The following RANBP2 variants were observed in gnomAD, a reference collection of about 807,000 sequenced individuals.
The protein encoded by RANBP2 is RAN binding protein 2, also known as E3 SUMO-protein ligase RanBP2.
A neutral mutation model predicts 303.6 loss-of-function variants in RANBP2; 57 were observed. That is an observed-to-expected ratio of 0.19 (90% CI 0.15 to 0.23). RANBP2 has a LOEUF of 0.23. RANBP2 is among the 10% of genes least tolerant of loss of function. The probability of loss-of-function intolerance (pLI) is 1.00; values close to 1 mark genes in which losing one functional copy is unlikely to be tolerated. For synonymous variants in RANBP2, 1,167 were observed against 1,301.5 expected (o/e 0.90, Z 2.23); for missense variants, 3,138 against 3,780.8 (o/e 0.83, Z 4.46).
the RANBP2 span, among the ~76,000 whole-genome samples, chr2:109,426,813 A>AT: frequency 6.6e-6 from 1 of 152,168 alleles, no homozygotes; most frequent in South Asian, 2.1e-4. Context: ...TTGCTGTCTT[A>AT]TTTTAAGAAG....
At chr2:109,288,722 T>A in the RANBP2 span, among the ~76,000 whole-genome samples, 1 of 152,208 alleles carries the variant, frequency 6.6e-6, no homozygotes, top group African/African-American at 2.4e-5. Flanking sequence ...GACCCCTGTC[T>A]TAGGAACATG....
chr2:109,363,804 TC>T, the RANBP2 span, among the ~76,000 whole-genome samples: 10 of 152,364 alleles, frequency 6.6e-5, no homozygotes, highest in African/African-American at 2.4e-4. Flanking sequence ...GCTTGCATTT[TC>T]TTTTGAAAAT....
the RANBP2 span, among the ~76,000 whole-genome samples, chr2:109,338,027 C>G: frequency 4.1e-4 from 63 of 152,234 alleles, no homozygotes; most frequent in African/African-American, 1.5e-3. Flanking sequence ...CCACCGCGCC[C>G]AGGCTCCTTC....
the RANBP2 span, among the ~76,000 whole-genome samples, chr2:108,937,487 GTA>G: frequency 2.6e-5 from 4 of 151,956 alleles, no homozygotes; most frequent in African/African-American, 4.8e-5. Context: ...GTGCATAAGA[GTA>G]TGTGTATGTG....
At chr2:109,183,413 C>A in the RANBP2 span, among the ~76,000 whole-genome samples, 4 of 152,174 alleles carry the variant, frequency 2.6e-5, no homozygotes, top group Non-Finnish European at 2.9e-5. Context: ...GGAAACAAAG[C>A]TCTACCTTAT....
chr2:109,003,638 T>C, the RANBP2 span, among the ~76,000 whole-genome samples: 1 of 152,128 alleles, frequency 6.6e-6, no homozygotes, highest in East Asian at 1.9e-4. Context: ...CTTGAACTCC[T>C]GACTTCAAGT....
the RANBP2 span, among the ~76,000 whole-genome samples, chr2:109,041,982 C>T: frequency 6.8e-3 from 1,041 of 152,220 alleles, 6 homozygotes; most frequent in East Asian, 0.035. Context: ...TTAGAATAAA[C>T]ATAAATTACT....
the RANBP2 span, chr2:109,544,682 A>G: frequency 5.6e-6 from 5 of 888,998 alleles, no homozygotes; most frequent in African/African-American, 9.0e-5. Context: ...AAGATCCATT[A>G]GCTTTAAAAT....
the RANBP2 span, among the ~76,000 whole-genome samples, chr2:109,621,484 T>G: frequency 1.3e-5 from 2 of 152,058 alleles, no homozygotes; most frequent in Admixed American, 1.3e-4. Flanking sequence ...TCAAAGAACC[T>G]GGGAGCCCTC....
the RANBP2 span, among the ~76,000 whole-genome samples, chr2:109,659,291 T>C: frequency 6.8e-6 from 1 of 147,938 alleles, no homozygotes; most frequent in Non-Finnish European, 1.5e-5. Flanking sequence ...GCAGGAGAAT[T>C]GCTTGCCTGG....
At chr2:109,317,459 C>G in the RANBP2 span, among the ~76,000 whole-genome samples, 4 of 151,802 alleles carry the variant, frequency 2.6e-5, no homozygotes, top group African/African-American at 7.3e-5. Flanking sequence ...CCCAGCCCCC[C>G]ACCCTGCTCT....
the RANBP2 span, chr2:109,544,289 T>C: frequency 1.2e-6 from 2 of 1,610,774 alleles, no homozygotes; most frequent in Admixed American, 1.7e-5. Context: ...GATGACCTTC[T>C]GTGCTCTGGA....
Position 108,732,226 on chromosome 2 carries a change from A to AT in RANBP2, c.405+759dup, listed in dbSNP as rs199854475. On this transcript the variant is annotated intron_variant, in intron 4 of 28. Transcript: ENST00000283195. Reference sequence around the variant, plus strand: ...AATTTTAATTTTGAAATAATTATAGATTTTTTTGCACAGGAAGTTGCAAAG... The same window carrying AT: ...AATTTTAATTTTGAAATAATTATAGATTTTTTTTGCACAGGAAGTTGCAAAG... Among the ~76,000 whole-genome samples the AT allele has an allele frequency of 7.2e-5, 11 of 152,064 alleles. No homozygotes were observed. In the East Asian group the frequency reaches 1.7e-3, roughly 24 times the overall value.
the RANBP2 span, among the ~76,000 whole-genome samples, chr2:108,799,116 A>G: frequency 2.6e-5 from 4 of 152,204 alleles, no homozygotes; most frequent in African/African-American, 9.6e-5. Flanking sequence ...TGGTTGTTAT[A>G]TCTTTTTGGT....
chr2:108,979,523 A>G, the RANBP2 span, among the ~76,000 whole-genome samples: 2 of 151,236 alleles, frequency 1.3e-5, no homozygotes, highest in Non-Finnish European at 1.5e-5. Context: ...CCAGGAGCTG[A>G]AGTGGGGGCT....
chr2:109,389,917 C>T, the RANBP2 span, among the ~76,000 whole-genome samples: 4 of 152,164 alleles, frequency 2.6e-5, no homozygotes, highest in African/African-American at 9.7e-5. Context: ...GGCCATCTGC[C>T]TTCTCCTGAA....
the RANBP2 span, among the ~76,000 whole-genome samples, chr2:108,918,837 A>G: frequency 1.3e-5 from 2 of 152,290 alleles, no homozygotes; most frequent in South Asian, 2.1e-4. Flanking sequence ...TGCAGAGGGT[A>G]AAAGATTGCA....
chr2:109,494,383 C>A, the RANBP2 span, among the ~76,000 whole-genome samples: 1 of 152,154 alleles, frequency 6.6e-6, no homozygotes, highest in Admixed American at 6.5e-5. Context: ...TCATGAGCCC[C>A]AGAAGTGCCC....
chr2:109,140,785 T>C, the RANBP2 span, among the ~76,000 whole-genome samples: 2 of 152,252 alleles, frequency 1.3e-5, no homozygotes, highest in African/African-American at 4.8e-5. Context: ...ATATGATTGA[T>C]GTTAAAGGTA....
Sources: gnomAD v4.1 joint callset for allele counts (sites outside exome capture counted in the v4.1 genomes callset) on GRCh38, gnomAD v4.1.1 for gene constraint, MANE v1.5 for transcripts, NCBI Gene and HGNC (gene_info 2026-07-23, HGNC 2026-07-21) for gene names.